VAV3: variants seen among roughly 807,000 people sequenced by gnomAD.
The protein encoded by VAV3 is guanine nucleotide exchange factor VAV3.
In VAV3, 94 loss-of-function variants were observed where a neutral mutation model predicts 131.2. The observed-to-expected ratio is 0.72, with a 90% confidence interval of 0.61 to 0.85. The LOEUF (loss-of-function observed/expected upper bound fraction) is 0.85. Ranked by LOEUF, VAV3 falls within the 40% of genes least tolerant of loss-of-function variation. The pLI is 0.00. For missense variants in VAV3, 939 were observed against 1,002.7 expected, an observed-to-expected ratio of 0.94 and a Z score of 0.86; for synonymous variants, 349 against 342.0, an observed-to-expected ratio of 1.02 and a Z score of -0.22.
intron 25 of VAV3, among the ~76,000 whole-genome samples, chr1:107,591,813 A>G (rs1258398087): frequency 2.0e-5 from 3 of 152,168 alleles, no homozygotes; most frequent in East Asian, 1.9e-4. Context: ...TGCAGACATA[A>G]TGCCCCTTAT....
intron 20 of VAV3, among the ~76,000 whole-genome samples, chr1:107,640,137 G>A (rs1181423162): frequency 2.6e-5 from 4 of 151,964 alleles, no homozygotes; most frequent in Non-Finnish European, 5.9e-5. Flanking sequence ...AAAAATAAAA[G>A]CATTATGTCC....
chr1:107,937,094 C>T (rs980737458), intron 1 of VAV3, among the ~76,000 whole-genome samples: 9 of 152,110 alleles, frequency 5.9e-5, no homozygotes, highest in Non-Finnish European at 1.2e-4. Context: ...TCCACCGCCA[C>T]CCCAAAAAAA....
chr1:107,845,877 C>G (rs1284986241), intron 2 of VAV3, among the ~76,000 whole-genome samples: 2 of 152,176 alleles, frequency 1.3e-5, no homozygotes, highest in East Asian at 3.9e-4. Flanking sequence ...AACCACACTT[C>G]AGGATATTAT....
intron 2 of VAV3, among the ~76,000 whole-genome samples, chr1:107,869,174 T>C (rs1203979661): frequency 6.6e-6 from 1 of 152,162 alleles, no homozygotes; most frequent in African/African-American, 2.4e-5. Context: ...GCATGGGATA[T>C]AATTGATGAA....
intron 1 of VAV3, among the ~76,000 whole-genome samples, chr1:107,887,297 T>C (rs1671080843): frequency 1.3e-5 from 2 of 152,226 alleles, no homozygotes. Flanking sequence ...GGATTGAATT[T>C]AGTATTTTCC....
At chr1:107,828,536 G>A (rs887638293) in intron 2 of VAV3, among the ~76,000 whole-genome samples, 4 of 152,086 alleles carry the variant, frequency 2.6e-5, no homozygotes, top group Non-Finnish European at 4.4e-5. Context: ...GGTTGGCAGG[G>A]TAGTATCCCT....
chr1:107,692,504 T>C (rs1364675517), intron 17 of VAV3, among the ~76,000 whole-genome samples: 4 of 152,166 alleles, frequency 2.6e-5, no homozygotes, highest in African/African-American at 9.7e-5. Context: ...AAATCAATGG[T>C]CAATCTTCAG....
chr1:107,604,076 C>G (rs1407302945), intron 22 of VAV3, among the ~76,000 whole-genome samples: 1 of 145,868 alleles, frequency 6.9e-6, no homozygotes, highest in East Asian at 1.9e-4. Flanking sequence ...TCTTTAATGA[C>G]CCCTCAAATC....
chr1:107,891,149 T>TAA (rs11441971), intron 1 of VAV3, among the ~76,000 whole-genome samples: 2,518 of 147,274 alleles, frequency 0.017, 60 homozygotes, highest in African/African-American at 0.057. Flanking sequence ...TCCCTTTCTT[T>TAA]AAAAAAAAAA....
intron 15 of VAV3, among the ~76,000 whole-genome samples, chr1:107,744,152 C>G (rs552159842): frequency 2.0e-5 from 3 of 152,160 alleles, no homozygotes; most frequent in Non-Finnish European, 4.4e-5. Context: ...GTCCCAGAGT[C>G]CCTCCAGAGC....
intron 2 of VAV3, chr1:107,862,605 T>C (rs536101539): frequency 6.6e-6 from 1 of 151,600 alleles, no homozygotes; most frequent in Admixed American, 6.6e-5. Context: ...ATATTTCTCA[T>C]CCATCATATT....
chr1:107,705,162 A>C (rs1660367734), intron 15 of VAV3, 101 bp from the exon 16 acceptor site: 2 of 923,268 alleles, frequency 2.2e-6, no homozygotes, highest in Non-Finnish European at 3.3e-6. Flanking sequence ...TCAGGTAGAG[A>C]TCTGATTCAA....
chr1:107,798,707 A>T (rs1666679518), intron 2 of VAV3, among the ~76,000 whole-genome samples: 1 of 136,486 alleles, frequency 7.3e-6, no homozygotes, highest in Admixed American at 7.5e-5. Context: ...CAACATAGCA[A>T]GACTCCCTCT....
chr1:107,579,987 G>A (rs1045580689), intron 25 of VAV3, among the ~76,000 whole-genome samples: 9 of 152,158 alleles, frequency 5.9e-5, no homozygotes, highest in African/African-American at 1.9e-4. Flanking sequence ...AGCCTTCCCT[G>A]ACAATCCAGA....
At position 107,705,021 on chromosome 1, in the gene VAV3, C is replaced by T. The variant is rs1660355999; in HGVS notation, c.1543G>A (p.Asp515Asn). Residue 515 changes from aspartate (D) to asparagine (N), a missense_variant, in exon 16 of 27, where the codon GAC becomes AAC. Coordinates refer to ENST00000370056, the MANE Select transcript of VAV3 (RefSeq NM_006113.5). ...RPDYADSNFH[D>N]FKMHTFTRVT... is the part of the protein sequence containing the mutation. ...CGAGTGAAGGTATGCATCTTGAAGT[C>T]GTGGAAATTGGAGTCTGCATAGTCT... The T allele has an allele frequency of 3.1e-6, 5 of 1,613,526 alleles. No individual in the cohort carries two copies. Among genetic ancestry groups the T allele is most frequent in the South Asian group, 1.1e-5 (1 of 91,018 alleles).
At chr1:107,715,583 A>G (rs1570809715) in intron 15 of VAV3, among the ~76,000 whole-genome samples, 1 of 152,382 alleles carries the variant, frequency 6.6e-6, no homozygotes, top group East Asian at 1.9e-4. Flanking sequence ...CTGAGAATAC[A>G]ACAGTGAATT....
At position 107,879,236 on chromosome 1, in the gene VAV3, T is replaced by C. The variant is rs146697998; in HGVS notation, c.205-4219A>G. ...TCCAAATAAGTCTTATTTTCATTTA[T>C]ACAATAAATAGTATTTGGAAACCAC... On this transcript the variant is annotated intron_variant, in intron 1 of 26. Transcript: ENST00000370056. Among the ~76,000 whole-genome samples, 636 of 152,312 alleles carry C rather than the reference T, an allele frequency of 4.2e-3. 5 individuals are homozygous for C. The highest frequency in any genetic ancestry group is 0.014 in the African/African-American group (588 of 41,572).
At chr1:107,611,841 C>A (rs1220808770) in intron 21 of VAV3, among the ~76,000 whole-genome samples, 1 of 152,132 alleles carries the variant, frequency 6.6e-6, no homozygotes. Flanking sequence ...GGACTACCTT[C>A]CCAGCCATGA....
chr1:107,936,861 C>T (rs957168890), intron 1 of VAV3, among the ~76,000 whole-genome samples: 1 of 152,166 alleles, frequency 6.6e-6, no homozygotes. Context: ...ACCTGTGTCA[C>T]GCTGCTCCTT....
Sources: allele counts gnomAD v4.1 joint callset (sites outside exome capture counted in the v4.1 genomes callset), GRCh38; gene constraint gnomAD v4.1.1; transcripts MANE v1.5; gene names NCBI Gene and HGNC (gene_info 2026-07-23, HGNC 2026-07-21).